Variants in NINJ2 observed in about 807,000 individuals in gnomAD.
The protein encoded by NINJ2 is ninjurin-2.
A neutral mutation model predicts 11.7 loss-of-function variants in NINJ2; 12 were observed. That is an observed-to-expected ratio of 1.02 (90% CI 0.66 to 1.66). The LOEUF (loss-of-function observed/expected upper bound fraction) is 1.66, where lower values mean the gene tolerates loss of function less well. NINJ2 is among the 40% of genes most tolerant of loss of function. The probability of loss-of-function intolerance (pLI) is 0.00; values close to 1 mark genes in which losing one functional copy is unlikely to be tolerated. For synonymous variants in NINJ2, 93 were observed against 76.8 expected (o/e 1.21, Z -1.10); for missense variants, 187 against 181.8 (o/e 1.03, Z -0.16).
At chr12:570,748 C>T (rs1276299149) in intron 1 of NINJ2, among the ~76,000 whole-genome samples, 1 of 152,212 alleles carries the variant, frequency 6.6e-6, no homozygotes, top group Non-Finnish European at 1.5e-5. Context: ...CTCCACCCGC[C>T]ACAAGCGCAC....
intron 1 of NINJ2, among the ~76,000 whole-genome samples, chr12:638,593 T>C (rs1948381043): frequency 6.6e-6 from 1 of 152,206 alleles, no homozygotes; most frequent in South Asian, 2.1e-4. Flanking sequence ...TTTTTTGTAT[T>C]TTTAGTAGAG....
intron 1 of NINJ2, among the ~76,000 whole-genome samples, chr12:619,362 A>T (rs1350741135): frequency 6.6e-6 from 1 of 152,220 alleles, no homozygotes; most frequent in East Asian, 1.9e-4. Context: ...CATGCTTTAG[A>T]AGGAATGAGA....
At chr12:645,288 A>G (rs1937658821) in intron 1 of NINJ2, 2 of 152,118 alleles carry the variant, frequency 1.3e-5, no homozygotes, top group African/African-American at 4.8e-5. Context: ...AAGTGATTTA[A>G]CTTCTCTGGG....
intron 1 of NINJ2, among the ~76,000 whole-genome samples, chr12:654,508 T>G (rs1592119778): frequency 4.1e-5 from 5 of 121,866 alleles, no homozygotes; most frequent in Admixed American, 9.4e-5. Flanking sequence ...GCAACAAGAG[T>G]GAAACTCCGT....
chr12:658,885 T>C (rs1937916147), intron 1 of NINJ2, among the ~76,000 whole-genome samples: 1 of 151,926 alleles, frequency 6.6e-6, no homozygotes, highest in African/African-American at 2.4e-5. Context: ...AAAAACAATG[T>C]ACCATTTTGG....
At chr12:621,358 A>G (rs1948149967) in intron 1 of NINJ2, among the ~76,000 whole-genome samples, 1 of 151,796 alleles carries the variant, frequency 6.6e-6, no homozygotes. Flanking sequence ...GGAGGCTGAA[A>G]TGGGAGAATT....
intron 1 of NINJ2, among the ~76,000 whole-genome samples, chr12:597,160 G>A (rs1030798936): frequency 6.6e-5 from 10 of 152,182 alleles, no homozygotes; most frequent in African/African-American, 1.7e-4. Context: ...GAAACACTAC[G>A]TGGTTGGTAG....
intron 1 of NINJ2, among the ~76,000 whole-genome samples, chr12:648,222 C>T (rs763805842): frequency 2.6e-5 from 4 of 152,120 alleles, no homozygotes; most frequent in Non-Finnish European, 5.9e-5. Flanking sequence ...TATATGCACC[C>T]GCCACCACAC....
At chr12:625,260 G>A (rs1186035648) in intron 1 of NINJ2, among the ~76,000 whole-genome samples, 3 of 152,132 alleles carry the variant, frequency 2.0e-5, no homozygotes, top group African/African-American at 7.2e-5. Context: ...GGTAGGAATG[G>A]TATGCCAAGA....
rs967962203 is a variant in NINJ2, at chr12:581,881, G to C, written c.34-15703C>G. Among the ~76,000 whole-genome samples, 2 of 152,126 alleles carry C rather than the reference G, an allele frequency of 1.3e-5. No individual in the cohort carries two copies. Among genetic ancestry groups the C allele is most frequent in the Admixed American group, 1.3e-4 (2 of 15,278 alleles). Reference sequence around the variant, plus strand: ...TAAGTCCCAGGCGATGTCTAACTCAGCCCCAAGGTGTCCTGAGAACCAGAT... The same window carrying C: ...TAAGTCCCAGGCGATGTCTAACTCACCCCCAAGGTGTCCTGAGAACCAGAT... On this transcript the variant is annotated intron_variant, in intron 1 of 3. Coordinates refer to ENST00000305108, the MANE Select transcript of NINJ2 (RefSeq NM_016533.6). The surrounding 1 kb of genome is among the most constrained non-coding windows in gnomAD (Gnocchi z 4.9).
chr12:622,433 AAGG>A (rs1321897900), intron 1 of NINJ2, among the ~76,000 whole-genome samples: 155 of 150,246 alleles, frequency 1.0e-3, no homozygotes, highest in African/African-American at 3.6e-3. Flanking sequence ...AAAAAAAAAA[AAGG>A]AAAGAAAGAA....
intron 1 of NINJ2, among the ~76,000 whole-genome samples, chr12:571,230 C>A (rs924951124): frequency 1.1e-4 from 17 of 152,104 alleles, no homozygotes; most frequent in Admixed American, 9.8e-4. Context: ...GAGTTTGGGG[C>A]GGCATGAAGC....
intron 3 of NINJ2, 97 bp downstream of exon 3, chr12:565,120 T>C (rs979762591): frequency 2.9e-6 from 3 of 1,017,076 alleles, no homozygotes; most frequent in Admixed American, 2.9e-5. Flanking sequence ...TCCCCCTTTG[T>C]TTGGCAAGGG....
At chr12:630,666 C>T (rs1393318327) in intron 1 of NINJ2, among the ~76,000 whole-genome samples, 2 of 152,206 alleles carry the variant, frequency 1.3e-5, no homozygotes, top group Non-Finnish European at 2.9e-5. Flanking sequence ...CGTGAGCCAC[C>T]GCTCCCCGCC....
chr12:598,433 T>G (rs910834996), intron 1 of NINJ2, among the ~76,000 whole-genome samples: 1 of 152,118 alleles, frequency 6.6e-6, no homozygotes, highest in Non-Finnish European at 1.5e-5. Flanking sequence ...AGCTTGCCCA[T>G]CTTACCAGAC....
Position 663,308 on chromosome 12 carries a change from C to A in NINJ2, c.33+20G>T, listed in dbSNP as rs1937984216. On this transcript the variant is annotated intron_variant, in intron 1 of 3. Transcript: ENST00000305108. ...CTCTACTCCCGGTCTCCCCTCTGCT[C>A]TCTTCCAGAGAGAACTTACTTGAAG... 6.2e-7 allele frequency: 1 copy of A among 1,612,414 alleles called. No homozygotes were observed. The highest frequency in any genetic ancestry group is 1.1e-5 in the South Asian group (1 of 90,970).
At chr12:619,717 G>T (rs1948131576) in intron 1 of NINJ2, among the ~76,000 whole-genome samples, 1 of 152,018 alleles carries the variant, frequency 6.6e-6, no homozygotes, top group South Asian at 2.1e-4. Flanking sequence ...AAAAGGGGTA[G>T]CAAAGTAACT....
At chr12:652,517 G>A (rs925026840) in intron 1 of NINJ2, among the ~76,000 whole-genome samples, 5 of 152,028 alleles carry the variant, frequency 3.3e-5, no homozygotes, top group African/African-American at 1.2e-4. Flanking sequence ...GATCACTTGA[G>A]GCCAGGACTT....
intron 1 of NINJ2, among the ~76,000 whole-genome samples, chr12:602,676 C>T (rs758793700): frequency 6.6e-6 from 1 of 152,154 alleles, no homozygotes; most frequent in Non-Finnish European, 1.5e-5. Flanking sequence ...TGAGGAACTG[C>T]CAGACTGCTT....
Sources: gnomAD v4.1 joint callset for allele counts (sites outside exome capture counted in the v4.1 genomes callset) on GRCh38, gnomAD v4.1.1 for gene constraint, Gnocchi (gnomAD v3.1) non-coding constraint, MANE v1.5 for transcripts, NCBI Gene and HGNC (gene_info 2026-07-23, HGNC 2026-07-21) for gene names.